CHD2: variants seen among roughly 807,000 people sequenced by gnomAD.
The protein encoded by CHD2 is chromodomain helicase DNA binding protein 2.
A neutral mutation model predicts 243.9 loss-of-function variants in CHD2; 28 were observed. The ratio of observed to expected loss-of-function variants is 0.11; its 90% CI spans 0.09 to 0.16. The LOEUF (loss-of-function observed/expected upper bound fraction) is 0.16, where lower values mean the gene tolerates loss of function less well. CHD2 is among the 10% of genes least tolerant of loss of function. The pLI, the probability that CHD2 is intolerant of heterozygous loss-of-function variation, is 1.00. For missense variants in CHD2, 1,386 were observed against 2,209.8 expected (o/e 0.63, Z 7.47); for synonymous variants, 775 against 779.0 (o/e 0.99, Z 0.09).
intron 27 of CHD2, among the ~76,000 whole-genome samples, chr15:92,992,194 C>G (rs2054128625): frequency 6.6e-6 from 1 of 152,144 alleles, no homozygotes; most frequent in African/African-American, 2.4e-5. Context: ...TTTGTTTGGT[C>G]CTCTCCATTT....
chr15:92,998,549 C>A lies in CHD2; in HGVS notation c.3936C>A (p.Thr1312=). 1 of 1,613,786 alleles carries A rather than the reference C, an allele frequency of 6.2e-7. No individual in the cohort carries two copies. The highest frequency in any genetic ancestry group is 8.5e-7 in the Non-Finnish European group (1 of 1,179,970). The change falls in exon 31 of 39, where the codon ACC becomes ACA. Residue 1312 remains threonine (T), a synonymous_variant. Transcript: ENST00000394196. The surrounding 1 kb of genome is among the most constrained non-coding windows in gnomAD (Gnocchi z 5.1). ...AGCCTCAGGGGAAGCAGCTACAGACCCGAGCGGATTACTTGTTGAAGCTGC... is the reference window on the plus strand; with the variant it reads ...AGCCTCAGGGGAAGCAGCTACAGACACGAGCGGATTACTTGTTGAAGCTGC... ...DKKPQGKQLQ[T]RADYLLKLLR... is the part of the protein sequence containing the mutation.
At chr15:92,937,136 T>C (rs548872803) in intron 5 of CHD2, among the ~76,000 whole-genome samples, 1 of 152,296 alleles carries the variant, frequency 6.6e-6, no homozygotes, top group African/African-American at 2.4e-5. Context: ...GTGCTGAGAT[T>C]ACAGGCATGG....
At chr15:93,015,402 C>G in intron 37 of CHD2, among the ~76,000 whole-genome samples, 1 of 152,162 alleles carries the variant, frequency 6.6e-6, no homozygotes, top group Non-Finnish European at 1.5e-5. Flanking sequence ...TTTCAACTTC[C>G]GATTAAGAAG....
At chr15:92,904,407 G>C (rs2052579573) in intron 2 of CHD2, 4 of 966,002 alleles carry the variant, frequency 4.1e-6, no homozygotes, top group Non-Finnish European at 3.7e-6. Flanking sequence ...CCCCTGGGGG[G>C]CGGGGAGAGA....
intron 2 of CHD2, among the ~76,000 whole-genome samples, chr15:92,910,479 G>A (rs1462432979): frequency 2.0e-5 from 3 of 151,966 alleles, no homozygotes; most frequent in South Asian, 2.1e-4. Flanking sequence ...TGCAACCTCC[G>A]CCTCCCAGGT....
At chr15:92,938,326 T>C (rs1232522226) in intron 6 of CHD2, among the ~76,000 whole-genome samples, 1 of 152,262 alleles carries the variant, frequency 6.6e-6, no homozygotes, top group Non-Finnish European at 1.5e-5. Context: ...TTCTCATTAG[T>C]AGATATATAT....
chr15:92,959,240 T>C (rs912141984), intron 16 of CHD2, among the ~76,000 whole-genome samples: 5 of 152,222 alleles, frequency 3.3e-5, no homozygotes, highest in African/African-American at 1.2e-4. Flanking sequence ...AGTTACATTT[T>C]GTTTATAGTG....
At chr15:92,909,261 T>A (rs1326161963) in intron 2 of CHD2, among the ~76,000 whole-genome samples, 1 of 152,204 alleles carries the variant, frequency 6.6e-6, no homozygotes, top group Non-Finnish European at 1.5e-5. Flanking sequence ...CCTTTGGAAG[T>A]TTAGATTCTA....
At chr15:92,912,043 T>G (rs2052745799) in intron 2 of CHD2, among the ~76,000 whole-genome samples, 1 of 152,224 alleles carries the variant, frequency 6.6e-6, no homozygotes, top group Non-Finnish European at 1.5e-5. Context: ...TGGGAGGTAC[T>G]GGAGGCCTCG....
intron 12 of CHD2, chr15:92,947,237 C>G (rs2053484555): frequency 6.6e-6 from 1 of 152,210 alleles, no homozygotes; most frequent in African/African-American, 2.4e-5. Flanking sequence ...ATGTAGAAGT[C>G]TCTGAGCTCC....
intron 2 of CHD2, chr15:92,905,019 G>T (rs774580465): frequency 1.3e-6 from 2 of 1,532,414 alleles, no homozygotes; most frequent in South Asian, 2.4e-5. Flanking sequence ...GTCAGTATGT[G>T]CTAAGTACTA....
chr15:92,950,770 C>T (rs1274764120), intron 13 of CHD2, among the ~76,000 whole-genome samples: 2 of 150,664 alleles, frequency 1.3e-5, no homozygotes, highest in African/African-American at 4.9e-5. Flanking sequence ...AAAAAAAGGA[C>T]AGCTTAAAAA....
At chr15:92,961,659 G>A (rs922467524) in intron 16 of CHD2, among the ~76,000 whole-genome samples, 4 of 152,022 alleles carry the variant, frequency 2.6e-5, no homozygotes, top group Non-Finnish European at 4.4e-5. Flanking sequence ...TGATCCTCCC[G>A]CCTCTGTTTC....
At position 92,939,680 on chromosome 15, in the gene CHD2, C is replaced by T. The variant is rs575007452; in HGVS notation, c.654C>T (p.Pro218=). The T allele has an allele frequency of 1.2e-6, 2 of 1,614,068 alleles. No individual in the cohort carries two copies. Among genetic ancestry groups the T allele is most frequent in the East Asian group, 2.2e-5 (1 of 44,878 alleles). ...SDEDDDDDEA[P]KRQTRRRAAK... ...AGGATGATGATGATGACGAAGCTCC[C>T]AAAAGGCAGACTCGTCGAAGAGCGG... is the stretch of plus-strand genomic sequence containing the variant. The change falls in exon 7 of 39, where the codon CCC becomes CCT. Residue 218 remains proline (P), a synonymous_variant. Coordinates refer to ENST00000394196, the MANE Select transcript of CHD2 (RefSeq NM_001271.4).
chr15:92,931,972 C>T (rs747970049), intron 5 of CHD2, among the ~76,000 whole-genome samples: 1 of 151,490 alleles, frequency 6.6e-6, no homozygotes, highest in Non-Finnish European at 1.5e-5. Flanking sequence ...AAGCAATTCT[C>T]CTGCCTTAGC....
Position 92,900,652 on chromosome 15 carries a change from G to A in CHD2, c.-244G>A. On this transcript the variant is annotated 5_prime_UTR_variant, in exon 1 of 39. Coordinates refer to ENST00000394196, the MANE Select transcript of CHD2 (RefSeq NM_001271.4). ...ATGAGGTTTTTTTTCTTTCGGACCT[G>A]TTTTAGTATTAATTATTGCTTTATT... 1 of 398,526 alleles carries A rather than the reference G, an allele frequency of 2.5e-6. No individual in the cohort carries two copies. The highest frequency in any genetic ancestry group is 4.4e-6 in the Non-Finnish European group (1 of 226,122). 24.7% of individuals were successfully genotyped at this position (398,526 alleles called of 1,614,324 possible).
chr15:92,930,418 A>G (rs2053144719), intron 5 of CHD2, among the ~76,000 whole-genome samples: 1 of 151,948 alleles, frequency 6.6e-6, no homozygotes, highest in African/African-American at 2.4e-5. Context: ...ACTGGCTCAT[A>G]GTCTTGTCAG....
intron 5 of CHD2, among the ~76,000 whole-genome samples, chr15:92,929,699 A>G (rs2053129568): frequency 6.6e-6 from 1 of 152,068 alleles, no homozygotes; most frequent in Non-Finnish European, 1.5e-5. Flanking sequence ...CATTTTTTGG[A>G]GAGGGTGTGG....
chr15:93,020,651 T>C, intron 38 of CHD2: 1 of 343,884 alleles, frequency 2.9e-6, no homozygotes, highest in East Asian at 5.1e-5. Flanking sequence ...AGTCAAAGTC[T>C]TCTGAAGCTG....
Sources: gnomAD v4.1 joint callset for allele counts (sites outside exome capture counted in the v4.1 genomes callset) on GRCh38, gnomAD v4.1.1 for gene constraint, Gnocchi (gnomAD v3.1) non-coding constraint, MANE v1.5 for transcripts, NCBI Gene and HGNC (gene_info 2026-07-23, HGNC 2026-07-21) for gene names.